The following CYB5D2 variants were observed in gnomAD, a reference collection of about 807,000 sequenced individuals.
The protein encoded by CYB5D2 is neuferricin.
In CYB5D2, 23 loss-of-function variants were observed where a neutral mutation model predicts 22.8. That is an observed-to-expected ratio of 1.01 (90% CI 0.73 to 1.43). The LOEUF (loss-of-function observed/expected upper bound fraction) is 1.43. Among genes scored for constraint, CYB5D2 ranks in the 40% most tolerant of loss-of-function variants. CYB5D2 has a pLI of 0.00. For missense variants in CYB5D2, 373 were observed against 357.2 expected (o/e 1.04, Z -0.36); for synonymous variants, 170 against 152.2 (o/e 1.12, Z -0.86).
intron 1 of CYB5D2, among the ~76,000 whole-genome samples, chr17:4,147,098 T>C (rs938317570): frequency 6.6e-6 from 1 of 152,220 alleles, no homozygotes; most frequent in African/African-American, 2.4e-5. Flanking sequence ...TGCCACTATG[T>C]ACATTCATGT....
intron 3 of CYB5D2, 109 bp downstream of exon 3, chr17:4,154,969 G>A (rs2059098839): frequency 1.6e-6 from 2 of 1,217,814 alleles, no homozygotes; most frequent in East Asian, 2.6e-5. Context: ...ACCCTGGGGA[G>A]CTTTTTCAAA....
In CYB5D2 at chr17:4,156,885, T is replaced by C. The variant is rs937260445; in HGVS notation, c.598T>C (p.Trp200Arg). 10 of 1,612,674 alleles carry C rather than the reference T, an allele frequency of 6.2e-6. No individual in the cohort carries two copies. The highest frequency in any genetic ancestry group is 8.5e-6 in the Non-Finnish European group (10 of 1,180,022). The stretch of plus-strand genomic sequence containing the variant: ...CCTTAGTGGAGGTGTGAGCAGAGAC[T>C]GGATTGGCGTCCCCAGGAAGCTGTA... ...SQKSGGVSRD[W>R]IGVPRKLYKP... The change falls in exon 4 of 4, where the codon TGG becomes CGG. Residue 200 changes from tryptophan (W) to arginine (R), a missense_variant. By Grantham distance (101) the Trp-to-Arg change is moderately radical. Transcript: ENST00000301391.
chr17:4,151,923 T>C (rs1451388340), intron 2 of CYB5D2, among the ~76,000 whole-genome samples: 1 of 151,834 alleles, frequency 6.6e-6, no homozygotes, highest in African/African-American at 2.4e-5. Context: ...TGAGAATCAC[T>C]TGAACCTGGA....
At chr17:4,156,691 G>A (rs1197613517) in intron 3 of CYB5D2, among the ~76,000 whole-genome samples, 175 bp from the exon 4 acceptor site, 1 of 152,200 alleles carries the variant, frequency 6.6e-6, no homozygotes, top group Non-Finnish European at 1.5e-5. Flanking sequence ...GAAGCTGGAG[G>A]ATGTTAGGAG....
intron 1 of CYB5D2, among the ~76,000 whole-genome samples, chr17:4,146,879 C>T (rs1015859682): frequency 2.0e-5 from 3 of 152,042 alleles, no homozygotes; most frequent in Admixed American, 6.6e-5. Context: ...TGGAGTCATA[C>T]GTGTGGCCTT....
At chr17:4,146,707 T>TTA (rs1555618019) in intron 1 of CYB5D2, among the ~76,000 whole-genome samples, 2 of 150,994 alleles carry the variant, frequency 1.3e-5, no homozygotes, top group African/African-American at 4.9e-5. Flanking sequence ...TTTTTTTTTT[T>TTA]AGTATAGCCA....
intron 2 of CYB5D2, among the ~76,000 whole-genome samples, chr17:4,150,610 C>T (rs543855589): frequency 6.6e-6 from 1 of 152,316 alleles, no homozygotes; most frequent in South Asian, 2.1e-4. Context: ...CTAGGCCCGG[C>T]GCAGTGGCTC....
chr17:4,152,552 C>T (rs894821474), intron 2 of CYB5D2, among the ~76,000 whole-genome samples: 4 of 152,202 alleles, frequency 2.6e-5, no homozygotes, highest in Non-Finnish European at 5.9e-5. Context: ...GATTCTAGAA[C>T]TCTTCCTCTG....
At chr17:4,151,327 C>A (rs2059055520) in intron 2 of CYB5D2, among the ~76,000 whole-genome samples, 1 of 152,122 alleles carries the variant, frequency 6.6e-6, no homozygotes, top group Non-Finnish European at 1.5e-5. Flanking sequence ...CTTCCCTTTC[C>A]CAATGAAGTT....
chr17:4,148,933 T>C (rs2059023516), intron 1 of CYB5D2, among the ~76,000 whole-genome samples: 1 of 148,110 alleles, frequency 6.8e-6, no homozygotes, highest in African/African-American at 2.5e-5. Flanking sequence ...GTGCTGATAA[T>C]CACTATTTCA....
In CYB5D2 at chr17:4,149,964, G is replaced by A. The variant is rs756809009; in HGVS notation, c.324G>A (p.Leu108=). 3 of 1,614,146 alleles carry A rather than the reference G, an allele frequency of 1.9e-6. No individual in the cohort carries two copies. The highest frequency in any genetic ancestry group is 3.3e-5 in the Admixed American group (2 of 60,020). Reference sequence around the variant, plus strand: ...GCCTCGTGGATGACGTATCCGACCTGTCAGCCGCTGAGATGCTGACACTTC... The same window carrying A: ...GCCTCGTGGATGACGTATCCGACCTATCAGCCGCTGAGATGCTGACACTTC... ...EAGLVDDVSD[L]SAAEMLTLHN... The change falls in exon 2 of 4, where the codon CTG becomes CTA. Residue 108 remains leucine (L), a synonymous_variant. Coordinates refer to ENST00000301391, the MANE Select transcript of CYB5D2 (RefSeq NM_144611.4).
rs147049588 is a variant in CYB5D2, at chr17:4,157,059, A to G, written c.772A>G (p.Ile258Val). ...AEYTGCPPLAITCSFPL is the reference protein window; with the variant it reads ...AEYTGCPPLAVTCSFPL ...GTACACAGGCTGCCCACCGCTAGCCATCACATGCTCCTTTCCACTCTAAGC... is the reference window on the plus strand; with the variant it reads ...GTACACAGGCTGCCCACCGCTAGCCGTCACATGCTCCTTTCCACTCTAAGC... Residue 258 changes from isoleucine (I) to valine (V), a missense_variant, in exon 4 of 4, where the codon ATC becomes GTC. Coordinates refer to ENST00000301391, the MANE Select transcript of CYB5D2 (RefSeq NM_144611.4). The surrounding 1 kb of genome is among the most constrained non-coding windows in gnomAD (Gnocchi z 4.4). The G allele has an allele frequency of 2.0e-5, 33 of 1,612,474 alleles. No individual in the cohort carries two copies. The African/African-American group carries it at 4.0e-4, about 20-fold the overall frequency.
chr17:4,146,218 C>T (rs1180053601), intron 1 of CYB5D2, among the ~76,000 whole-genome samples: 5 of 151,648 alleles, frequency 3.3e-5, no homozygotes, highest in East Asian at 1.9e-4. Context: ...CCCAGCCTCC[C>T]GAGGAGCTAG....
Position 4,143,694 on chromosome 17 carries a change from G to T in CYB5D2, c.-62G>T. The T allele has an allele frequency of 6.5e-7, 1 of 1,529,346 alleles. No homozygotes were observed. Among genetic ancestry groups the T allele is most frequent in the Non-Finnish European group, 8.8e-7 (1 of 1,138,038 alleles). The allele number at this position is 1,529,346 out of a possible 1,614,324, so 94.7% of individuals were successfully genotyped here. ...CGATGACGTCACGCTCGGCGTCTCG[G>T]CCATCTTAGCTGTAGATAGAGGCGG... is the stretch of plus-strand genomic sequence containing the variant. On this transcript the variant is annotated 5_prime_UTR_variant, in exon 1 of 4. Coordinates refer to ENST00000301391, the MANE Select transcript of CYB5D2 (RefSeq NM_144611.4).
upstream of CYB5D2, chr17:4,143,178 T>G: frequency 1.9e-5 from 7 of 371,604 alleles, no homozygotes; most frequent in East Asian, 9.6e-5. Flanking sequence ...ATCTACGTCA[T>G]TCCGTAGCCT....
rs1279653777 is a variant in CYB5D2, at chr17:4,143,609, G to A, written c.-147G>A. ...TGCCAGGAATACAGATAAAACGAGA[G>A]AGACTAAGGGAGGGAGCGCGAGCAC... On this transcript the variant is annotated 5_prime_UTR_variant, in exon 1 of 4. Transcript: ENST00000301391. 4.4e-6 allele frequency: 5 copies of A among 1,136,946 alleles called. No homozygotes were observed. Among genetic ancestry groups the A allele is most frequent in the South Asian group, 1.6e-5 (1 of 62,398 alleles). The allele number at this position is 1,136,946 out of a possible 1,614,324, so 70.4% of individuals were successfully genotyped here. A position where few individuals can be genotyped will look rare whatever the true frequency, so the allele number is the denominator to read the frequency against.
At chr17:4,150,052 A>T in intron 2 of CYB5D2, 21 bp downstream of exon 2, 1 of 1,613,180 alleles carries the variant, frequency 6.2e-7, no homozygotes, top group Non-Finnish European at 8.5e-7. Context: ...CATAGGTCAT[A>T]CATTTCATTT....
At chr17:4,150,865 G>A (rs777385340) in intron 2 of CYB5D2, 2 of 152,260 alleles carry the variant, frequency 1.3e-5, no homozygotes, top group Admixed American at 6.5e-5. Flanking sequence ...CAGCCTCAAC[G>A]AAAGACACTA....
chr17:4,155,770 G>C (rs1444704244), intron 3 of CYB5D2, among the ~76,000 whole-genome samples: 2 of 152,290 alleles, frequency 1.3e-5, no homozygotes, highest in Non-Finnish European at 2.9e-5. Flanking sequence ...TTGCTTCCTT[G>C]GGCCCTGCCT....
Sources: gnomAD v4.1 joint callset for allele counts (sites outside exome capture counted in the v4.1 genomes callset) on GRCh38, gnomAD v4.1.1 for gene constraint, Gnocchi (gnomAD v3.1) non-coding constraint, MANE v1.5 for transcripts, NCBI Gene and HGNC (gene_info 2026-07-23, HGNC 2026-07-21) for gene names.